MAST1: variants seen among roughly 807,000 people sequenced by gnomAD.
MAST1 encodes the protein microtubule associated serine/threonine kinase 1, also known as microtubule-associated serine/threonine-protein kinase 1.
In MAST1, 40 loss-of-function variants were observed where a neutral mutation model predicts 124.6. The observed-to-expected ratio is 0.32, with a 90% CI of 0.25 to 0.42. MAST1 has a LOEUF of 0.42. MAST1 is among the 10% of genes least tolerant of loss of function. The pLI is 1.00. For missense variants in MAST1, 1,558 were observed against 2,181.9 expected, an observed-to-expected ratio of 0.71 and a Z score of 5.70; for synonymous variants, 938 against 939.4, an observed-to-expected ratio of 1.00 and a Z score of 0.03.
Position 12,866,564 on chromosome 19 carries a change from C to T in MAST1, c.2030-89C>T. The T allele has an allele frequency of 1.2e-6, 1 of 835,640 alleles. No homozygotes were observed. The allele number at this position is 835,640 out of a possible 1,614,324, so 51.8% of individuals were successfully genotyped here. ...GTGGCCTGACCTGAAGACTTGTAAA[C>T]CCGTCTTGAACCAGGACTGGGCTCC... On this transcript the variant is annotated intron_variant, in intron 17 of 25. Transcript: ENST00000251472. The surrounding 1 kb of genome is among the most constrained non-coding windows in gnomAD (Gnocchi z 5.2).
At chr19:12,871,568 C>G (rs1970234840) in intron 24 of MAST1, among the ~76,000 whole-genome samples, 1 of 152,022 alleles carries the variant, frequency 6.6e-6, no homozygotes, top group Admixed American at 6.6e-5. Context: ...GATTGTGCCA[C>G]TGCACTCCAA....
At chr19:12,864,451 T>A (rs1488498977) in intron 12 of MAST1, among the ~76,000 whole-genome samples, 2 of 151,156 alleles carry the variant, frequency 1.3e-5, no homozygotes, top group African/African-American at 4.9e-5. Flanking sequence ...GGCTTCCAGC[T>A]CCAAGGTTCA....
intron 22 of MAST1, among the ~76,000 whole-genome samples, chr19:12,869,817 C>T (rs1340197754): frequency 1.3e-5 from 2 of 151,568 alleles, no homozygotes; most frequent in East Asian, 4.0e-4. Flanking sequence ...CTTTGGGAGG[C>T]TGAGGTGGGC....
At chr19:12,863,284 T>G (rs781363228) in intron 12 of MAST1, among the ~76,000 whole-genome samples, 1 of 151,946 alleles carries the variant, frequency 6.6e-6, no homozygotes, top group Non-Finnish European at 1.5e-5. Context: ...CCAGGTTCAT[T>G]GCAGAGGAGG....
At chr19:12,862,448 A>G (rs1460491715) in intron 12 of MAST1, among the ~76,000 whole-genome samples, 3 of 152,100 alleles carry the variant, frequency 2.0e-5, no homozygotes, top group African/African-American at 7.2e-5. Context: ...AGGCACCACC[A>G]TGTCCAGCTA....
At chr19:12,851,879 G>C (rs1006098467) in intron 7 of MAST1, 55 bp from the exon 8 acceptor site, 2 of 1,378,586 alleles carry the variant, frequency 1.5e-6, no homozygotes, top group African/African-American at 2.9e-5. Flanking sequence ...TGAGAGAGGG[G>C]CCGGGCTGAG....
At chr19:12,858,494 G>T in intron 11 of MAST1, 37 bp from the exon 12 acceptor site, 2 of 1,612,160 alleles carry the variant, frequency 1.2e-6, no homozygotes, top group South Asian at 1.1e-5. Context: ...CGGGTGTCTC[G>T]GAGGTGACGG....
At chr19:12,848,467 C>CAA (rs1969923716) in intron 7 of MAST1, 1 of 179,166 alleles carries the variant, frequency 5.6e-6, no homozygotes, top group African/African-American at 2.4e-5. Flanking sequence ...AAAACACACA[C>CAA]ACACACAAAA....
In MAST1 at chr19:12,874,570, C is replaced by T. The variant is rs201987035; in HGVS notation, c.4413C>T (p.Pro1471=). 631 of 1,506,462 alleles carry T rather than the reference C, an allele frequency of 4.2e-4. 1 individual carries two copies. Among genetic ancestry groups the T allele is most frequent in the African/African-American group, 2.2e-3 (157 of 71,734 alleles). 93.3% of individuals were successfully genotyped at this position (1,506,462 alleles called of 1,614,324 possible). Residue 1471 remains proline, a synonymous_variant, in exon 26 of 26, where the codon CCC becomes CCT. Transcript: ENST00000251472. This position sits in a 1 kb window ranked among gnomAD's most constrained non-coding sequence, Gnocchi z 6.6. ...CCGCACCCCTGGCGCCTTCCGTGCC[C>T]GAGGCCCCCCGGGGCCGGGAGCGCT... ...QEPAPLAPSV[P]EAPRGRERWV...
At chr19:12,859,605 C>T (rs549193183) in intron 12 of MAST1, among the ~76,000 whole-genome samples, 2 of 152,014 alleles carry the variant, frequency 1.3e-5, no homozygotes, top group East Asian at 1.9e-4. Flanking sequence ...TCAAGACCAG[C>T]CTGGCCAACA....
Position 12,874,633 on chromosome 19 carries a change from C to T in MAST1, c.4476C>T (p.Ser1492=), listed in dbSNP as rs751136005. 7 of 1,519,802 alleles carry T rather than the reference C, an allele frequency of 4.6e-6. No individual in the cohort carries two copies. Among genetic ancestry groups the T allele is most frequent in the Non-Finnish European group, 6.2e-6 (7 of 1,132,772 alleles). 94.1% of individuals were successfully genotyped at this position (1,519,802 alleles called of 1,614,324 possible). A position where few individuals can be genotyped will look rare whatever the true frequency, so the allele number is the denominator to read the frequency against. ...TGGTGGAGGAGCGCACCACGCTGAG[C>T]GGTCCTCGCTCCAAGCCCGCCTCCC... ...LEVVEERTTL[S]GPRSKPASPK... The change falls in exon 26 of 26, where the codon AGC becomes AGT. Residue 1492 remains serine (S), a synonymous_variant. Transcript: ENST00000251472. This position sits in a 1 kb window ranked among gnomAD's most constrained non-coding sequence, Gnocchi z 6.6.
rs199760021 is a variant in MAST1 at position 12,867,859 on chromosome 19, G to A, written c.2448G>A (p.Glu816=). ...GCGCCCCCCAAGAGGACGAGGATGA[G>A]GCCCGGCTGCGCAGGCCTCCCCGGC... is the stretch of plus-strand genomic sequence containing the variant. ...RFSAPQEDED[E]ARLRRPPRPS... The change falls in exon 20 of 26, where the codon GAG becomes GAA. Residue 816 remains glutamate, a synonymous_variant. Coordinates refer to ENST00000251472, the MANE Select transcript of MAST1 (RefSeq NM_014975.3). 2.9e-4 allele frequency: 467 copies of A among 1,606,836 alleles called. No individual in the cohort carries two copies. The highest frequency in any genetic ancestry group is 3.8e-4 in the Non-Finnish European group (451 of 1,177,382).
At chr19:12,864,188 A>G (rs935686104) in intron 12 of MAST1, among the ~76,000 whole-genome samples, 1 of 151,968 alleles carries the variant, frequency 6.6e-6, no homozygotes, top group African/African-American at 2.4e-5. Context: ...TGGCTTCCCA[A>G]AGTGCTGGGA....
Position 12,847,547 on chromosome 19 carries a change from G to A in MAST1, c.489-65G>A. 1 of 1,613,004 alleles carries A rather than the reference G, an allele frequency of 6.2e-7. No homozygotes were observed. The highest frequency in any genetic ancestry group is 8.5e-7 in the Non-Finnish European group (1 of 1,179,352). ...CCCGCGAATAAAAGGGTTACATCTT[G>A]GGGCGGGGGCTCTCTGCGGGCTTGG... On this transcript the variant is annotated intron_variant, in intron 5 of 25. Transcript: ENST00000251472. The surrounding 1 kb of genome is among the most constrained non-coding windows in gnomAD (Gnocchi z 5.5).
intron 22 of MAST1, 84 bp downstream of exon 22, chr19:12,869,379 G>A (rs1970203293): frequency 1.9e-6 from 2 of 1,070,736 alleles, no homozygotes; most frequent in East Asian, 2.6e-5. Context: ...GTTAGCCTGG[G>A]TGAGACACCT....
At chr19:12,851,714 G>C (rs1969961863) in intron 7 of MAST1, among the ~76,000 whole-genome samples, 1 of 152,022 alleles carries the variant, frequency 6.6e-6, no homozygotes. Flanking sequence ...TCAAACTTTT[G>C]ACCTCAAGTG....
At chr19:12,860,724 G>C (rs1403309605) in intron 12 of MAST1, among the ~76,000 whole-genome samples, 1 of 152,054 alleles carries the variant, frequency 6.6e-6, no homozygotes, top group African/African-American at 2.4e-5. Context: ...TGGGATTACA[G>C]GCGTGAGCCA....
In MAST1 at chr19:12,859,902, G is replaced by C. The variant is rs534262536; in HGVS notation, c.1366+1163G>C. On this transcript the variant is annotated intron_variant, in intron 12 of 25. Transcript: ENST00000251472. ...GTTTTGTTTTTTATGCAGTCTCCCT[G>C]TATTGCCCAAGTTAGTCTCCAACTC... 3.4e-3 allele frequency among the ~76,000 whole-genome samples: 498 copies of C among 144,704 alleles called. 2 individuals carry two copies. Among genetic ancestry groups the C allele is most frequent in the African/African-American group, 0.012 (481 of 38,822 alleles). The allele number at this position is 144,704 out of a possible 152,430, so 94.9% of individuals were successfully genotyped here.
chr19:12,865,315 G>T lies in MAST1; in HGVS notation c.1639-1G>T. ...GGCGTGGGCTGACAGCCTGCCCCCAGGTGTGTGGGACCCCAGAGTACATCG... is the reference window on the plus strand; with the variant it reads ...GGCGTGGGCTGACAGCCTGCCCCCATGTGTGTGGGACCCCAGAGTACATCG... On this transcript the variant is annotated splice_acceptor_variant, in intron 14 of 25. Coordinates refer to ENST00000251472, the MANE Select transcript of MAST1 (RefSeq NM_014975.3). LOFTEE classifies it high-confidence loss of function. The surrounding 1 kb of genome is among the most constrained non-coding windows in gnomAD (Gnocchi z 7.1). The T allele has an allele frequency of 6.3e-7, 1 of 1,588,156 alleles. No individual in the cohort carries two copies. Among genetic ancestry groups the T allele is most frequent in the Non-Finnish European group, 8.6e-7 (1 of 1,167,580 alleles).
Sources: allele counts gnomAD v4.1 joint callset (sites outside exome capture counted in the v4.1 genomes callset), GRCh38; gene constraint gnomAD v4.1.1; non-coding constraint Gnocchi (gnomAD v3.1); transcripts MANE v1.5; gene names NCBI Gene and HGNC (gene_info 2026-07-23, HGNC 2026-07-21).